Variants in HIVEP3 observed in about 807,000 individuals in gnomAD.
HIVEP3 encodes the protein HIVEP zinc finger 3.
A neutral mutation model predicts 152.8 loss-of-function variants in HIVEP3; 49 were observed. The observed-to-expected ratio is 0.32, with a 90% CI of 0.26 to 0.41. The LOEUF is 0.41. Ranked by LOEUF, HIVEP3 falls within the 10% of genes least tolerant of loss-of-function variation. The pLI is 1.00. For synonymous variants in HIVEP3, 1,269 were observed against 1,289.0 expected (o/e 0.98, Z 0.33); for missense variants, 2,790 against 3,103.3 (o/e 0.90, Z 2.40).
intron 1 of HIVEP3, among the ~76,000 whole-genome samples, chr1:41,822,923 C>T (rs1642651097): frequency 6.6e-6 from 1 of 152,216 alleles, no homozygotes; most frequent in African/African-American, 2.4e-5. Flanking sequence ...TCCAATTCCA[C>T]CCTTCATGAC....
At chr1:41,984,077 A>T (rs1040418553) in intron 1 of HIVEP3, among the ~76,000 whole-genome samples, 6 of 152,180 alleles carry the variant, frequency 3.9e-5, no homozygotes, top group African/African-American at 1.4e-4. Context: ...ACTCTAAGCG[A>T]TCCTCCCTCC....
intron 1 of HIVEP3, among the ~76,000 whole-genome samples, chr1:41,944,562 A>T (rs781449531): frequency 3.9e-5 from 6 of 152,192 alleles, no homozygotes; most frequent in Non-Finnish European, 8.8e-5. Flanking sequence ...AACCCAGCCC[A>T]GCTCTAGGAC....
Position 41,664,709 on chromosome 1 carries a change from G to A in HIVEP3, c.-720-35762C>T, listed in dbSNP as rs756490014. Among the ~76,000 whole-genome samples, 1 of 152,200 alleles carries A rather than the reference G, an allele frequency of 6.6e-6. No homozygotes were observed. The highest frequency in any genetic ancestry group is 2.4e-5 in the African/African-American group (1 of 41,454). ...TACCCAACCCAGAACAGTGGCTGAT[G>A]TCCTAGGGTCCCTGGCTGGGGGCTG... On this transcript the variant is annotated intron_variant, in intron 2 of 8. Coordinates refer to ENST00000372583, the MANE Select transcript of HIVEP3 (RefSeq NM_024503.5). This position sits in a 1 kb window ranked among gnomAD's most constrained non-coding sequence, Gnocchi z 4.4.
In HIVEP3 at chr1:41,511,081, G is replaced by A. The variant is rs771494084; in HGVS notation, c.6591C>T (p.Ile2197=). ...LTRAPCPLIP[I]GGIQMVQARP... ...GGGCCTGCACCATCTGGATCCCACCGATGGGAATCAAGGGACATGGGGCAC... is the reference window on the plus strand; with the variant it reads ...GGGCCTGCACCATCTGGATCCCACCAATGGGAATCAAGGGACATGGGGCAC... Residue 2197 remains isoleucine, a synonymous_variant, in exon 9 of 9, where the codon ATC becomes ATT. Transcript: ENST00000372583. The surrounding 1 kb of genome is among the most constrained non-coding windows in gnomAD (Gnocchi z 4.9). The A allele has an allele frequency of 2.0e-5, 32 of 1,614,034 alleles. No individual in the cohort carries two copies. Among genetic ancestry groups the A allele is most frequent in the Middle Eastern group, 3.3e-4 (2 of 6,084 alleles).
At chr1:41,562,945 C>T (rs536599370) in intron 5 of HIVEP3, among the ~76,000 whole-genome samples, 2 of 152,144 alleles carry the variant, frequency 1.3e-5, no homozygotes, top group South Asian at 2.1e-4. Flanking sequence ...AGACTCTCCC[C>T]CCACCCACCC....
intron 1 of HIVEP3, among the ~76,000 whole-genome samples, chr1:41,782,938 C>T (rs1311638564): frequency 6.6e-6 from 1 of 152,064 alleles, no homozygotes; most frequent in African/African-American, 2.4e-5. Context: ...CCTCACTCCC[C>T]CCACACTCCC....
At chr1:41,972,002 C>T (rs1002389112) in intron 1 of HIVEP3, among the ~76,000 whole-genome samples, 2 of 152,180 alleles carry the variant, frequency 1.3e-5, no homozygotes, top group African/African-American at 2.4e-5. Context: ...ACCAAATCTG[C>T]TGGTGCCTTG....
At chr1:41,715,892 C>T (rs1008707840) in intron 1 of HIVEP3, among the ~76,000 whole-genome samples, 1 of 152,244 alleles carries the variant, frequency 6.6e-6, no homozygotes, top group Admixed American at 6.5e-5. Flanking sequence ...CCGAAAGCCA[C>T]AGAGGAACTT....
At position 41,582,024 on chromosome 1, in the gene HIVEP3, G is replaced by C; in HGVS notation, c.2774C>G (p.Ser925Cys). The stretch of plus-strand genomic sequence containing the variant: ...GCTCGGGCTGCGAGACAGAGGCACA[G>C]AGGACTCGAAGCTGGACTCCCCTGA... Reference protein sequence around the residue: ...QSSGESSFESSVPLSRSPSQE... With the variant: ...QSSGESSFESCVPLSRSPSQE... The change falls in exon 4 of 9, where the codon TCT (serine) becomes TGT (cysteine). Residue 925 changes from serine to cysteine, a missense_variant. Physicochemically the swap from Ser to Cys is moderately radical, Grantham distance 112. This residue lies in a region of HIVEP3 where 1,078 missense variants were observed against 1,165.3 expected (regional missense o/e 0.93). Transcript: ENST00000372583. This position sits in a 1 kb window ranked among gnomAD's most constrained non-coding sequence, Gnocchi z 4.7. 1.2e-6 allele frequency: 2 copies of C among 1,614,200 alleles called. No individual in the cohort carries two copies. The highest frequency in any genetic ancestry group is 1.7e-6 in the Non-Finnish European group (2 of 1,180,042).
intron 1 of HIVEP3, among the ~76,000 whole-genome samples, chr1:41,798,259 GCA>G (rs1650098128): frequency 6.6e-6 from 1 of 151,078 alleles, no homozygotes; most frequent in Non-Finnish European, 1.5e-5. Context: ...TGCACATTGT[GCA>G]CATGTACCCT....
chr1:41,916,227 G>A (rs1424090015), intron 1 of HIVEP3, among the ~76,000 whole-genome samples: 2 of 152,202 alleles, frequency 1.3e-5, no homozygotes, highest in Admixed American at 1.3e-4. Flanking sequence ...GAGGGTGGCT[G>A]CCACTAAACA....
At chr1:41,923,284 T>G (rs72965253), upstream of HIVEP3, among the ~76,000 whole-genome samples, 1 of 152,238 alleles carries the variant, frequency 6.6e-6, no homozygotes, top group Non-Finnish European at 1.5e-5. Flanking sequence ...CTCTAACTGA[T>G]ATCTTGTTAA....
At position 41,575,650 on chromosome 1, in the gene HIVEP3, C is replaced by G. The variant is rs150593757; in HGVS notation, c.5101G>C (p.Asp1701His). ...PSLVSPEGQK[D>H]LARVEKEEER... is the part of the protein sequence containing the mutation. Reference sequence around the variant, plus strand: ...TCTTCCTTCTCCACTCTAGCTAGATCTTTCTGGCCTTCCGGGGAAACCAGT... The same window carrying G: ...TCTTCCTTCTCCACTCTAGCTAGATGTTTCTGGCCTTCCGGGGAAACCAGT... Residue 1701 changes from aspartate (D) to histidine (H), a missense_variant, in exon 5 of 9, where the codon GAT becomes CAT. Coordinates refer to ENST00000372583, the MANE Select transcript of HIVEP3 (RefSeq NM_024503.5). The G allele has an allele frequency of 5.3e-5, 86 of 1,614,068 alleles. No homozygotes were observed. Among genetic ancestry groups the G allele is most frequent in the Middle Eastern group, 3.3e-4 (2 of 6,082 alleles).
intron 3 of HIVEP3, among the ~76,000 whole-genome samples, chr1:41,596,119 T>C (rs1570052351): frequency 6.6e-6 from 1 of 151,516 alleles, no homozygotes; most frequent in Non-Finnish European, 1.5e-5. Flanking sequence ...CACTGGGAGG[T>C]GTTTCCACAC....
intron 1 of HIVEP3, among the ~76,000 whole-genome samples, chr1:41,913,602 G>A (rs901354938): frequency 9.9e-5 from 15 of 152,010 alleles, no homozygotes; most frequent in Admixed American, 5.2e-4. Flanking sequence ...TTGCTATGTC[G>A]CCCAGGCTGA....
At chr1:41,573,352 C>A (rs1416448321) in intron 5 of HIVEP3, among the ~76,000 whole-genome samples, 1 of 152,172 alleles carries the variant, frequency 6.6e-6, no homozygotes, top group Non-Finnish European at 1.5e-5. Context: ...CCCCCTCCTT[C>A]ACCATTTCCA....
At chr1:41,658,704 C>A (rs1384577152) in intron 2 of HIVEP3, among the ~76,000 whole-genome samples, 2 of 152,208 alleles carry the variant, frequency 1.3e-5, no homozygotes, top group African/African-American at 4.8e-5. Context: ...TGCACTCTTT[C>A]CATCCCATCC....
intron 3 of HIVEP3, among the ~76,000 whole-genome samples, chr1:41,598,347 T>C (rs556777803): frequency 1.3e-5 from 2 of 152,320 alleles, no homozygotes; most frequent in East Asian, 3.9e-4. Context: ...ACCTACAAGC[T>C]TCCTAGGTAG....
At chr1:41,654,325 T>C (rs1459036567) in intron 2 of HIVEP3, among the ~76,000 whole-genome samples, 2 of 139,108 alleles carry the variant, frequency 1.4e-5, no homozygotes, top group Admixed American at 7.5e-5. Context: ...TTGCTCCTTC[T>C]CACACAGGCA....
Sources: allele counts gnomAD v4.1 joint callset (sites outside exome capture counted in the v4.1 genomes callset), GRCh38; gene constraint gnomAD v4.1.1; regional missense constraint gnomAD v4.1.1; non-coding constraint Gnocchi (gnomAD v3.1); transcripts MANE v1.5; gene names NCBI Gene and HGNC (gene_info 2026-07-23, HGNC 2026-07-21).